Variants in AIG1 observed in about 807,000 individuals in gnomAD.
AIG1 encodes androgen induced 1, also known as androgen-induced gene 1 protein.
Under a neutral mutation model 31.4 loss-of-function variants are expected in AIG1, and 23 were observed. That is an observed-to-expected ratio of 0.73 (90% CI 0.53 to 1.04). AIG1 has a LOEUF of 1.04. AIG1 is among the 50% of genes least tolerant of loss of function. The probability of loss-of-function intolerance (pLI) is 0.00; values close to 1 mark genes in which losing one functional copy is unlikely to be tolerated. For missense variants in AIG1, 274 were observed against 295.0 expected (o/e 0.93, Z 0.52); for synonymous variants, 100 against 110.5 (o/e 0.90, Z 0.60).
intron 3 of AIG1, among the ~76,000 whole-genome samples, chr6:143,254,629 T>C (rs1264027027): frequency 2.6e-5 from 4 of 152,168 alleles, no homozygotes; most frequent in Admixed American, 2.6e-4. Context: ...ACTTAGATAA[T>C]ATACAATTGT....
At chr6:143,147,385 G>T (rs750375892) in intron 2 of AIG1, among the ~76,000 whole-genome samples, 1 of 152,064 alleles carries the variant, frequency 6.6e-6, no homozygotes, top group African/African-American at 2.4e-5. Flanking sequence ...AGGCATGATG[G>T]GAGAGGAATT....
intron 3 of AIG1, among the ~76,000 whole-genome samples, chr6:143,205,506 T>C (rs1450692396): frequency 1.3e-5 from 2 of 152,224 alleles, no homozygotes; most frequent in Non-Finnish European, 2.9e-5. Flanking sequence ...TCTCATTCTT[T>C]TCACATTATA....
chr6:143,123,766 A>G (rs542522564), intron 1 of AIG1, among the ~76,000 whole-genome samples: 2 of 152,174 alleles, frequency 1.3e-5, no homozygotes, highest in African/African-American at 2.4e-5. Context: ...TGTGATAAAG[A>G]TTGGTTAATT....
chr6:143,096,149 G>C (rs948458392), intron 1 of AIG1, among the ~76,000 whole-genome samples: 12 of 151,866 alleles, frequency 7.9e-5, no homozygotes, highest in African/African-American at 2.9e-4. Flanking sequence ...CTTGGAATTT[G>C]CCTGCTTTGG....
At chr6:143,124,236 G>A (rs150702177) in intron 1 of AIG1, among the ~76,000 whole-genome samples, 18 of 152,298 alleles carry the variant, frequency 1.2e-4, no homozygotes, top group African/African-American at 2.6e-4. Flanking sequence ...AGTAAAGAGC[G>A]CTGAAGGGCC....
intron 1 of AIG1, among the ~76,000 whole-genome samples, chr6:143,112,502 A>G (rs1335879832): frequency 6.6e-6 from 1 of 152,186 alleles, no homozygotes; most frequent in African/African-American, 2.4e-5. Flanking sequence ...TAGGCTCTAG[A>G]GATGCAAAGA....
At chr6:143,304,781 G>T (rs201504050) in intron 4 of AIG1, among the ~76,000 whole-genome samples, 20,099 of 151,710 alleles carry the variant, frequency 0.13, 1,564 homozygotes, top group East Asian at 0.35. Context: ...CTATTGATTG[G>T]AATAGTTTCA....
At chr6:143,177,507 C>T (rs1296627536) in intron 3 of AIG1, among the ~76,000 whole-genome samples, 1 of 152,156 alleles carries the variant, frequency 6.6e-6, no homozygotes, top group Non-Finnish European at 1.5e-5. Context: ...GGGTAAGGTG[C>T]TTTGGCTTTG....
At chr6:143,187,395 A>C (rs1352551116) in intron 3 of AIG1, 2 of 1,535,384 alleles carry the variant, frequency 1.3e-6, no homozygotes, top group Non-Finnish European at 1.7e-6. Context: ...CAGCTATAGC[A>C]ACTAGATTCC....
chr6:143,187,274 G>C, intron 3 of AIG1: 1 of 854,770 alleles, frequency 1.2e-6, no homozygotes, highest in South Asian at 1.5e-5. Context: ...AAAGATCTTG[G>C]CTTAAACTGA....
At chr6:143,287,377 A>C (rs1480772042) in intron 4 of AIG1, among the ~76,000 whole-genome samples, 1 of 152,104 alleles carries the variant, frequency 6.6e-6, no homozygotes, top group Admixed American at 6.5e-5. Context: ...TTTACAGGGA[A>C]GTATGCTGAA....
chr6:143,237,975 C>T (rs951805781), intron 3 of AIG1, among the ~76,000 whole-genome samples: 8 of 152,154 alleles, frequency 5.3e-5, no homozygotes, highest in Non-Finnish European at 7.3e-5. Flanking sequence ...GAATCTCACT[C>T]TGTCACCTAG....
intron 1 of AIG1, among the ~76,000 whole-genome samples, chr6:143,116,168 A>G (rs1781720622): frequency 6.6e-6 from 1 of 152,182 alleles, no homozygotes; most frequent in African/African-American, 2.4e-5. Context: ...ACTGGTAGGT[A>G]TTTGGAGGTG....
In AIG1 at chr6:143,331,153, T is replaced by C. The variant is rs7769246; in HGVS notation, c.516-2129T>C. 2.6e-5 allele frequency among the ~76,000 whole-genome samples: 4 copies of C among 152,162 alleles called. No homozygotes were observed. The highest frequency in any genetic ancestry group is 7.2e-5 in the African/African-American group (3 of 41,442). On this transcript the variant is annotated intron_variant, in intron 4 of 5. Transcript: ENST00000357847. This position sits in a 1 kb window ranked among gnomAD's most constrained non-coding sequence, Gnocchi z 4.1. ...AACCTTTGTAGACCTGTTTTTTTTT[T>C]CCTAATTTCCACCACAGGAACATTT...
At position 143,256,937 on chromosome 6, in the gene AIG1, G is replaced by A. The variant is rs1795412036; in HGVS notation, c.400-27173G>A. On this transcript the variant is annotated intron_variant, in intron 3 of 5. Coordinates refer to ENST00000357847, the MANE Select transcript of AIG1 (RefSeq NM_016108.4). This position sits in a 1 kb window ranked among gnomAD's most constrained non-coding sequence, Gnocchi z 4.6. ...GTCCTTTTCTTCATTTTATGACAATGGTGAGGAGGAGGCTAGAAATCTTAA... is the reference window on the plus strand; with the variant it reads ...GTCCTTTTCTTCATTTTATGACAATAGTGAGGAGGAGGCTAGAAATCTTAA... 6.6e-6 allele frequency among the ~76,000 whole-genome samples: 1 copy of A among 152,170 alleles called. No individual in the cohort carries two copies. The highest frequency in any genetic ancestry group is 2.4e-5 in the African/African-American group (1 of 41,436).
intron 1 of AIG1, among the ~76,000 whole-genome samples, chr6:143,087,941 A>G (rs983324385): frequency 6.6e-6 from 1 of 152,172 alleles, no homozygotes; most frequent in Non-Finnish European, 1.5e-5. Context: ...CACATATCTC[A>G]TAAATATAAG....
At chr6:143,272,456 G>C (rs1335161806) in intron 3 of AIG1, among the ~76,000 whole-genome samples, 1 of 152,208 alleles carries the variant, frequency 6.6e-6, no homozygotes, top group Non-Finnish European at 1.5e-5. Flanking sequence ...GTAGAGAAGA[G>C]AGAGAGTGAA....
chr6:143,332,128 T>C (rs1777134480), intron 4 of AIG1, among the ~76,000 whole-genome samples: 1 of 152,046 alleles, frequency 6.6e-6, no homozygotes, highest in African/African-American at 2.4e-5. Context: ...CTCCTCAGCC[T>C]CCGAAAGTGC....
intron 2 of AIG1, among the ~76,000 whole-genome samples, chr6:143,146,664 C>A (rs571944097): frequency 6.6e-6 from 1 of 152,120 alleles, no homozygotes; most frequent in Non-Finnish European, 1.5e-5. Context: ...TTACTACTGT[C>A]CCTGTGGGTT....
Sources: gnomAD v4.1 joint callset for allele counts (sites outside exome capture counted in the v4.1 genomes callset) on GRCh38, gnomAD v4.1.1 for gene constraint, Gnocchi (gnomAD v3.1) non-coding constraint, MANE v1.5 for transcripts, NCBI Gene and HGNC (gene_info 2026-07-23, HGNC 2026-07-21) for gene names.